Variants in ZNF337 observed in about 807,000 individuals in gnomAD.
ZNF337 encodes zinc finger protein 337.
Under a neutral mutation model 12.1 loss-of-function variants are expected in ZNF337, and 8 were observed. That is an observed-to-expected ratio of 0.66 (90% CI 0.39 to 1.19). The LOEUF is 1.19. ZNF337 is among the 50% of genes most tolerant of loss of function. The pLI, the probability that ZNF337 is intolerant of heterozygous loss-of-function variation, is 0.01. For synonymous variants in ZNF337, 336 were observed against 320.0 expected (o/e 1.05, Z -0.53); for missense variants, 882 against 896.6 (o/e 0.98, Z 0.21).
At chr20:25,681,690 A>C (rs185604941) in intron 4 of ZNF337, among the ~76,000 whole-genome samples, 1 of 152,196 alleles carries the variant, frequency 6.6e-6, no homozygotes, top group Admixed American at 6.5e-5. Context: ...CTGGGGTGAG[A>C]GTAATTCTTT....
Position 25,686,060 on chromosome 20 carries a change from GCTCAGCAGC to G in ZNF337, c.81_89del (p.Arg27_Leu29del), listed in dbSNP as rs771761803. ...CCCTGTACAGGGCCCTCTGAGCAGG[GCTCAGCAGC>G]CTCCATTCCTTCTGGGTGAAATCCA... On this transcript the variant is annotated inframe_deletion, in exon 3 of 5. Transcript: ENST00000252979. 1.2e-6 allele frequency: 2 copies of G among 1,614,120 alleles called. No homozygotes were observed. Among genetic ancestry groups the G allele is most frequent in the Admixed American group, 3.3e-5 (2 of 59,990 alleles).
In ZNF337 at chr20:25,675,919, C is replaced by CAAA. The variant is rs1454008352; in HGVS notation, c.1368_1369insTTT (p.Glu456_Glu457insPhe). 6.2e-7 allele frequency: 1 copy of CAAA among 1,613,842 alleles called. No individual in the cohort carries two copies. The highest frequency in any genetic ancestry group is 8.5e-7 in the Non-Finnish European group (1 of 1,179,972). ...CAGTCCTTGCACACAAAAGGCTTCT[C>CAAA]CTCTGAGTGTGTGATCTGATGTTTC... On this transcript the variant is annotated inframe_insertion, in exon 5 of 5. Coordinates refer to ENST00000252979, the MANE Select transcript of ZNF337 (RefSeq NM_015655.4).
In ZNF337 at chr20:25,677,422, C is replaced by T. The variant is rs568227423; in HGVS notation, c.251-385G>A. On this transcript the variant is annotated intron_variant, in intron 4 of 4. Coordinates refer to ENST00000252979, the MANE Select transcript of ZNF337 (RefSeq NM_015655.4). ...AAGTATGCAATCATGATTCAACATA[C>T]ACAAATCAATACTTGTGATACATCA... is the stretch of plus-strand genomic sequence containing the variant. 2.9e-5 allele frequency: 5 copies of T among 174,500 alleles called. No individual in the cohort carries two copies. The East Asian group carries it at 6.3e-4, about 22-fold the overall frequency. 10.8% of individuals were successfully genotyped at this position (174,500 alleles called of 1,614,324 possible).
At position 25,686,446 on chromosome 20, in the gene ZNF337, G is replaced by A. The variant is rs967104924; in HGVS notation, c.-29C>T. The A allele has an allele frequency of 3.7e-6, 6 of 1,613,420 alleles. No homozygotes were observed. The highest frequency in any genetic ancestry group is 5.1e-6 in the Non-Finnish European group (6 of 1,179,762). On this transcript the variant is annotated 5_prime_UTR_variant, in exon 2 of 5. Transcript: ENST00000252979. Reference sequence around the variant, plus strand: ...TGTCTTCCTGCTCTCCACGGAGAAGGGAAGCTTGCAGATGGCCAATCTGTG... The same window carrying A: ...TGTCTTCCTGCTCTCCACGGAGAAGAGAAGCTTGCAGATGGCCAATCTGTG...
chr20:25,692,236 G>T (rs2065887361), intron 1 of ZNF337, among the ~76,000 whole-genome samples: 2 of 152,182 alleles, frequency 1.3e-5, no homozygotes, highest in Admixed American at 1.3e-4. Context: ...ATTGTAAGGA[G>T]AAATTTTTGA....
At position 25,686,725 on chromosome 20, in the gene ZNF337, CTGCAGATGAGGTCT is replaced by C. The variant is rs1157183065; in HGVS notation, c.-49-273_-49-260del. 5.8e-5 allele frequency: 26 copies of C among 447,582 alleles called. No homozygotes were observed. The East Asian group carries it at 9.6e-4, about 16-fold the overall frequency. The allele number at this position is 447,582 out of a possible 1,614,324, so 27.7% of individuals were successfully genotyped here. ...GAGGGGCTAAAAGGATGAGGAACAC[CTGCAGATGAGGTCT>C]TGCATTTAAGGTTAGGGCTCAGAGT... On this transcript the variant is annotated intron_variant, in intron 1 of 4. Coordinates refer to ENST00000252979, the MANE Select transcript of ZNF337 (RefSeq NM_015655.4).
intron 1 of ZNF337, among the ~76,000 whole-genome samples, chr20:25,688,469 A>T (rs764344810): frequency 6.6e-6 from 1 of 152,216 alleles, no homozygotes; most frequent in Non-Finnish European, 1.5e-5. Flanking sequence ...GCTAAATAAG[A>T]GTGATAAGAA....
At chr20:25,683,466 C>T (rs77651384) in intron 4 of ZNF337, among the ~76,000 whole-genome samples, 4,495 of 151,274 alleles carry the variant, frequency 0.03, 219 homozygotes, top group African/African-American at 0.1. Flanking sequence ...AGGAGAATAA[C>T]GGACAGAGGT....
At chr20:25,679,342 A>G (rs59631229) in intron 4 of ZNF337, among the ~76,000 whole-genome samples, 7 of 152,304 alleles carry the variant, frequency 4.6e-5, no homozygotes, top group African/African-American at 9.6e-5. Flanking sequence ...ACTAAAAACT[A>G]AAAAGCTTCT....
Position 25,674,760 on chromosome 20 carries a change from A to T in ZNF337, c.*272T>A. The stretch of plus-strand genomic sequence containing the variant: ...AGCACAGCCTGGCACAAATACAACA[A>T]GAATATGTGCTCAGTAGGAAAGAGA... On this transcript the variant is annotated 3_prime_UTR_variant, in exon 5 of 5. Coordinates refer to ENST00000252979, the MANE Select transcript of ZNF337 (RefSeq NM_015655.4). The T allele has an allele frequency of 2.1e-6, 1 of 475,146 alleles. No homozygotes were observed. The highest frequency in any genetic ancestry group is 3.7e-5 in the East Asian group (1 of 27,308). 29.4% of individuals were successfully genotyped at this position (475,146 alleles called of 1,614,324 possible).
rs769604120 is a variant in ZNF337, at chr20:25,676,232, C to T, written c.1056G>A (p.Glu352=). 2 of 1,613,808 alleles carry T rather than the reference C, an allele frequency of 1.2e-6. No homozygotes were observed. The highest frequency in any genetic ancestry group is 2.2e-5 in the South Asian group (2 of 91,090). The change falls in exon 5 of 5, where the codon GAG becomes GAA. Residue 352 remains glutamate, a synonymous_variant. Coordinates refer to ENST00000252979, the MANE Select transcript of ZNF337 (RefSeq NM_015655.4). The stretch of plus-strand genomic sequence containing the variant: ...ACTTATTGCTAAAGCCTCGGCCACA[C>T]TCCTGGCATCTGTAAGGCTTCTCTC... ...HSGEKPYRCQ[E]CGRGFSNKSH...
At chr20:25,692,488 G>A (rs1465117197) in intron 1 of ZNF337, among the ~76,000 whole-genome samples, 2 of 152,062 alleles carry the variant, frequency 1.3e-5, no homozygotes, top group East Asian at 3.8e-4. Flanking sequence ...AATAAGAAGA[G>A]CAAAGTGTTA....
At chr20:25,686,717 AG>A (rs1569014126) in intron 1 of ZNF337, 1 of 471,752 alleles carries the variant, frequency 2.1e-6, no homozygotes, top group East Asian at 3.7e-5. Flanking sequence ...TAAAAGGATG[AG>A]GAACACCTGC....
chr20:25,677,174 ATT>A, intron 4 of ZNF337, 137 bp from the exon 5 acceptor site: 1 of 769,436 alleles, frequency 1.3e-6, no homozygotes, highest in South Asian at 2.1e-5. Context: ...TTCTCAAACT[ATT>A]CCAAAAAATT....
chr20:25,696,678 T>G (rs2065935163), intron 1 of ZNF337, 81 bp downstream of exon 1: 1 of 936,192 alleles, frequency 1.1e-6, no homozygotes, highest in African/African-American at 1.8e-5. Flanking sequence ...AGCAGCGCCC[T>G]CACGTCCCAG....
chr20:25,695,475 G>T (rs2065914331), intron 1 of ZNF337, among the ~76,000 whole-genome samples: 2 of 152,270 alleles, frequency 1.3e-5, no homozygotes, highest in South Asian at 4.2e-4. Flanking sequence ...ATCCCTAAGT[G>T]CCCCCATGAG....
rs2065661113 is a variant in ZNF337 at position 25,675,091 on chromosome 20, T to A, written c.2197A>T (p.Lys733Ter). The change falls in exon 5 of 5, where the codon AAG (lysine) becomes TAG (stop). Residue 733 changes from lysine to a stop codon, truncating the protein, a stop_gained. Transcript: ENST00000252979. LOFTEE classifies it low-confidence loss of function (END_TRUNC). ...AAACGCTTCTCACGTAAGTGTCTCT[T>A]TAAGTGCTTACTGTAGTATGACTTA... ...SNKSYYSKHL[K>*]RHLREKRFCT... The A allele has an allele frequency of 8.7e-6, 14 of 1,613,804 alleles. No individual in the cohort carries two copies. The highest frequency in any genetic ancestry group is 1.2e-5 in the Non-Finnish European group (14 of 1,179,986).
chr20:25,692,530 T>C (rs1600452873), intron 1 of ZNF337, among the ~76,000 whole-genome samples: 1 of 152,336 alleles, frequency 6.6e-6, no homozygotes, highest in Non-Finnish European at 1.5e-5. Context: ...AGATCTGTTA[T>C]ATATTCTCTC....
At chr20:25,683,271 G>A (rs2065789217) in intron 4 of ZNF337, among the ~76,000 whole-genome samples, 1 of 144,758 alleles carries the variant, frequency 6.9e-6, no homozygotes, top group African/African-American at 2.6e-5. Flanking sequence ...TCATCATCAT[G>A]AGTCCTGATG....
Sources: gnomAD v4.1 joint callset for allele counts (sites outside exome capture counted in the v4.1 genomes callset) on GRCh38, gnomAD v4.1.1 for gene constraint, MANE v1.5 for transcripts, NCBI Gene and HGNC (gene_info 2026-07-23, HGNC 2026-07-21) for gene names.